NOSTRIN: variants seen among roughly 807,000 people sequenced by gnomAD.
NOSTRIN encodes the protein nitric oxide synthase trafficking.
NOSTRIN carries 63 observed loss-of-function variants against 59.0 expected under a neutral mutation model. The ratio of observed to expected loss-of-function variants is 1.07; its 90% CI spans 0.87 to 1.32. The LOEUF is 1.32. NOSTRIN is among the 40% of genes most tolerant of loss of function. The pLI is 0.00. For missense variants in NOSTRIN, 512 were observed against 473.1 expected (o/e 1.08, Z -0.76); for synonymous variants, 200 against 165.4 (o/e 1.21, Z -1.61).
chr2:168,815,526 T>C (rs1025070741), intron 2 of NOSTRIN, among the ~76,000 whole-genome samples: 3 of 152,218 alleles, frequency 2.0e-5, no homozygotes, highest in African/African-American at 7.2e-5. Flanking sequence ...TGCCAAGAAC[T>C]GCTGCTCTGG....
intron 1 of NOSTRIN, among the ~76,000 whole-genome samples, chr2:168,807,453 C>A (rs1245033465): frequency 6.6e-6 from 1 of 152,130 alleles, no homozygotes; most frequent in Non-Finnish European, 1.5e-5. Flanking sequence ...CTTAGCAAAT[C>A]TTTTATTTAT....
chr2:168,828,505 A>G lies in NOSTRIN; in HGVS notation c.342+4A>G, dbSNP rs773702640. 1 of 858,022 alleles carries G rather than the reference A, an allele frequency of 1.2e-6. No individual in the cohort carries two copies. The highest frequency in any genetic ancestry group is 2.0e-6 in the Non-Finnish European group (1 of 497,198). The allele number at this position is 858,022 out of a possible 1,614,324, so 53.2% of individuals were successfully genotyped here. Reference sequence around the variant, plus strand: ...ACAAGAGAAGAAGAGAAAATCAGTGAGTCCAAACCTTTCTTTACTCTTCCT... The same window carrying G: ...ACAAGAGAAGAAGAGAAAATCAGTGGGTCCAAACCTTTCTTTACTCTTCCT... On this transcript the variant is annotated splice_donor_region_variant and intron_variant, in intron 5 of 15. Transcript: ENST00000317647.
chr2:168,864,298 T>TGAG (rs1689704620), intron 15 of NOSTRIN, among the ~76,000 whole-genome samples: 1 of 146,322 alleles, frequency 6.8e-6, no homozygotes, highest in Non-Finnish European at 1.5e-5. Context: ...TTTTTTTTTC[T>TGAG]GAGACAGAGT....
Position 168,843,095 on chromosome 2 carries a change from AC to A in NOSTRIN, c.609del (p.Asn203LysfsTer3). 1.1e-6 allele frequency: 1 copy of A among 872,496 alleles called. No individual in the cohort carries two copies. The highest frequency in any genetic ancestry group is 2.0e-6 in the Non-Finnish European group (1 of 501,502). 54.0% of individuals were successfully genotyped at this position (872,496 alleles called of 1,614,324 possible). On this transcript the variant is annotated frameshift_variant, in exon 8 of 16. Transcript: ENST00000317647. LOFTEE classifies it high-confidence loss of function. ...TATTCTACCAGACTGAAATGGGAAA[AC>A]ACACTAGAGAACTGCTACCAGGTAA... ...AGYSTRLKWE[N>X]TLENCYQSIL...
At chr2:168,848,430 G>A (rs963509347) in intron 8 of NOSTRIN, among the ~76,000 whole-genome samples, 18 of 152,234 alleles carry the variant, frequency 1.2e-4, no homozygotes, top group Admixed American at 3.9e-4. Flanking sequence ...GTGGCTCCAG[G>A]CTTCCAATCC....
intron 6 of NOSTRIN, 33 bp downstream of exon 6, chr2:168,831,567 C>T (rs1311074903): frequency 1.2e-6 from 1 of 831,660 alleles, no homozygotes; most frequent in Non-Finnish European, 2.1e-6. Flanking sequence ...TGTGTAAACT[C>T]AGTTTTTAGA....
At chr2:168,812,448 C>G (rs1452901957) in intron 2 of NOSTRIN, among the ~76,000 whole-genome samples, 3 of 152,078 alleles carry the variant, frequency 2.0e-5, no homozygotes, top group African/African-American at 7.2e-5. Flanking sequence ...TGTCGCTTTT[C>G]AAGTTCTTAG....
chr2:168,794,346 AG>A (rs1685427945), upstream of NOSTRIN, among the ~76,000 whole-genome samples: 1 of 142,122 alleles, frequency 7.0e-6, no homozygotes, highest in African/African-American at 2.6e-5. Context: ...AGAAGACAAA[AG>A]GGATGATTTT....
At chr2:168,831,170 A>G (rs519599) in intron 5 of NOSTRIN, among the ~76,000 whole-genome samples, 133,365 of 152,182 alleles carry the variant, frequency 0.88, 58,561 homozygotes, top group East Asian at 0.96. Flanking sequence ...CAAGGCACCC[A>G]CACATTAGCT....
rs775528362 is a variant in NOSTRIN at position 168,843,133 on chromosome 2, A to C, written c.630+16A>C. On this transcript the variant is annotated intron_variant, in intron 8 of 15. Transcript: ENST00000317647. Reference sequence around the variant, plus strand: ...CTGCTACCAGGTAAGTTATATATTCACATTTTTTTCTTCTTCTGTGGAGCT... The same window carrying C: ...CTGCTACCAGGTAAGTTATATATTCCCATTTTTTTCTTCTTCTGTGGAGCT... 1 of 859,486 alleles carries C rather than the reference A, an allele frequency of 1.2e-6. No homozygotes were observed. The highest frequency in any genetic ancestry group is 1.8e-5 in the Admixed American group (1 of 56,260). The allele number at this position is 859,486 out of a possible 1,614,324, so 53.2% of individuals were successfully genotyped here. A position where few individuals can be genotyped will look rare whatever the true frequency, so the allele number is the denominator to read the frequency against.
intron 4 of NOSTRIN, 57 bp downstream of exon 4, chr2:168,828,277 T>A (rs944001957): frequency 8.0e-6 from 7 of 872,126 alleles, no homozygotes; most frequent in Non-Finnish European, 1.4e-5. Flanking sequence ...ATATTTAAAG[T>A]GGGTTTGCTA....
chr2:168,850,608 T>C (rs1688702474), intron 8 of NOSTRIN, among the ~76,000 whole-genome samples: 1 of 151,958 alleles, frequency 6.6e-6, no homozygotes, highest in Admixed American at 6.6e-5. Flanking sequence ...TTTTTTTTTT[T>C]TTTTTTTGTA....
upstream of NOSTRIN, among the ~76,000 whole-genome samples, chr2:168,797,840 A>G (rs1267651498): frequency 6.6e-6 from 1 of 152,080 alleles, no homozygotes; most frequent in Non-Finnish European, 1.5e-5. Flanking sequence ...CCCTGTGGGT[A>G]TTATAAGGAT....
Position 168,859,505 on chromosome 2 carries a change from T to A in NOSTRIN, c.1054-7T>A, listed in dbSNP as rs1449124856. 1 of 1,613,314 alleles carries A rather than the reference T, an allele frequency of 6.2e-7. No homozygotes were observed. Among genetic ancestry groups the A allele is most frequent in the African/African-American group, 1.3e-5 (1 of 74,908 alleles). Reference sequence around the variant, plus strand: ...TTTGCTCACATGGCCAAATGATGTATCCACAGAACAATTTGAAACTAGACC... The same window carrying A: ...TTTGCTCACATGGCCAAATGATGTAACCACAGAACAATTTGAAACTAGACC... On this transcript the variant is annotated splice_region_variant and splice_polypyrimidine_tract_variant and intron_variant, in intron 12 of 15. Coordinates refer to ENST00000317647, the MANE Select transcript of NOSTRIN (RefSeq NM_001039724.4).
At chr2:168,815,495 G>C (rs2105568461) in intron 2 of NOSTRIN, among the ~76,000 whole-genome samples, 1 of 152,342 alleles carries the variant, frequency 6.6e-6, no homozygotes, top group South Asian at 2.1e-4. Flanking sequence ...CTGTAAGGGA[G>C]TTTAAGATCT....
At chr2:168,822,701 G>A (rs978457826) in intron 2 of NOSTRIN, among the ~76,000 whole-genome samples, 3 of 152,190 alleles carry the variant, frequency 2.0e-5, no homozygotes, top group Non-Finnish European at 4.4e-5. Context: ...AGATGGGTCT[G>A]TAAATAGGAC....
intron 6 of NOSTRIN, among the ~76,000 whole-genome samples, chr2:168,832,975 A>G (rs1367233804): frequency 6.6e-6 from 1 of 152,224 alleles, no homozygotes; most frequent in African/African-American, 2.4e-5. Flanking sequence ...CAGCTTTCAC[A>G]GGAATTCAGT....
At position 168,855,428 on chromosome 2, in the gene NOSTRIN, G is replaced by A. The variant is rs1294169258; in HGVS notation, c.932G>A (p.Arg311Lys). 6.2e-7 allele frequency: 1 copy of A among 1,610,368 alleles called. No individual in the cohort carries two copies. Among genetic ancestry groups the A allele is most frequent in the Non-Finnish European group, 8.5e-7 (1 of 1,177,390 alleles). Residue 311 changes from arginine to lysine, a missense_variant, in exon 11 of 16, where the codon AGA (arginine) becomes AAA (lysine). Physicochemically the swap from Arg to Lys is conservative, Grantham distance 26 (BLOSUM62 2). Coordinates refer to ENST00000317647, the MANE Select transcript of NOSTRIN (RefSeq NM_001039724.4). ...LLKPKLLRLQ[R>K]DIEKASKDKE... ...AAACCAAAATTATTGAGACTGCAGAGAGACATTGAAAAAGCCTCAAAAGAC... is the reference window on the plus strand; with the variant it reads ...AAACCAAAATTATTGAGACTGCAGAAAGACATTGAAAAAGCCTCAAAAGAC...
At chr2:168,830,036 C>A (rs1333767930) in intron 5 of NOSTRIN, among the ~76,000 whole-genome samples, 1 of 152,148 alleles carries the variant, frequency 6.6e-6, no homozygotes, top group Non-Finnish European at 1.5e-5. Context: ...AATGGATGCT[C>A]TATTCAGAGT....
Sources: gnomAD v4.1 joint callset for allele counts (sites outside exome capture counted in the v4.1 genomes callset) on GRCh38, gnomAD v4.1.1 for gene constraint, MANE v1.5 for transcripts, NCBI Gene and HGNC (gene_info 2026-07-23, HGNC 2026-07-21) for gene names.